CSNK1G3: variants seen among roughly 807,000 people sequenced by gnomAD.
The protein encoded by CSNK1G3 is casein kinase 1 gamma 3.
In CSNK1G3, 23 loss-of-function variants were observed where a neutral mutation model predicts 64.3. The ratio of observed to expected loss-of-function variants is 0.36; its 90% confidence interval spans 0.26 to 0.51. The LOEUF is 0.51. Among genes scored for constraint, CSNK1G3 ranks in the 20% least tolerant of loss-of-function variants. The pLI, the probability that CSNK1G3 is intolerant of heterozygous loss-of-function variation, is 0.96. For synonymous variants in CSNK1G3, 158 were observed against 162.2 expected (o/e 0.97, Z 0.20); for missense variants, 357 against 510.5 (o/e 0.70, Z 2.90).
At chr5:123,598,470 A>G (rs1793845049) in intron 10 of CSNK1G3, among the ~76,000 whole-genome samples, 1 of 152,204 alleles carries the variant, frequency 6.6e-6, no homozygotes, top group Non-Finnish European at 1.5e-5. Context: ...AAAAGCACCT[A>G]ACCTGGATGA....
chr5:123,529,817 T>G (rs1455226060), intron 1 of CSNK1G3, among the ~76,000 whole-genome samples: 1 of 152,134 alleles, frequency 6.6e-6, no homozygotes, highest in Non-Finnish European at 1.5e-5. Flanking sequence ...TTAGGTACAG[T>G]AAATGCTTAG....
chr5:123,541,979 A>T (rs1480296741), intron 1 of CSNK1G3, among the ~76,000 whole-genome samples: 2 of 151,530 alleles, frequency 1.3e-5, no homozygotes, highest in Non-Finnish European at 2.9e-5. Flanking sequence ...ATTGTAACTA[A>T]TTTTTTATTG....
chr5:123,603,229 A>C (rs1286068148), intron 10 of CSNK1G3, among the ~76,000 whole-genome samples: 2 of 152,112 alleles, frequency 1.3e-5, no homozygotes, highest in Admixed American at 6.6e-5. Context: ...AGGAATAAAC[A>C]CATGGAAAAT....
chr5:123,582,332 C>T (rs1790454517), intron 6 of CSNK1G3, among the ~76,000 whole-genome samples: 2 of 152,088 alleles, frequency 1.3e-5, no homozygotes, highest in Admixed American at 6.5e-5. Flanking sequence ...GGGCTGAAAT[C>T]TTGCCCTCCA....
chr5:123,566,435 G>A (rs1786889192), intron 4 of CSNK1G3, among the ~76,000 whole-genome samples: 1 of 152,198 alleles, frequency 6.6e-6, no homozygotes, highest in East Asian at 1.9e-4. Context: ...AGAACCACTG[G>A]AATGGGTGGA....
At chr5:123,514,062 AT>A (rs1776711544) in intron 1 of CSNK1G3, among the ~76,000 whole-genome samples, 1 of 152,242 alleles carries the variant, frequency 6.6e-6, no homozygotes, top group Non-Finnish European at 1.5e-5. Context: ...TATCAAATAC[AT>A]TGTGTGGCTT....
At chr5:123,583,526 A>G (rs1374703143) in intron 6 of CSNK1G3, among the ~76,000 whole-genome samples, 1 of 151,922 alleles carries the variant, frequency 6.6e-6, no homozygotes, top group Non-Finnish European at 1.5e-5. Context: ...ATGCCCAGCT[A>G]ATTTTTTTTG....
chr5:123,572,564 G>A lies in CSNK1G3; in HGVS notation c.290-829G>A, dbSNP rs969493292. On this transcript the variant is annotated intron_variant, in intron 4 of 12. Transcript: ENST00000345990. ...ATGTGGAAATTAAGGTGTAAGCCTG[G>A]ACTGCAATCTTACATGAGCCTCAGT... Among the ~76,000 whole-genome samples, 8 of 152,264 alleles carry A rather than the reference G, an allele frequency of 5.3e-5. No individual in the cohort carries two copies. The East Asian group carries it at 1.5e-3, about 29-fold the overall frequency.
At chr5:123,514,213 T>G (rs961008988) in intron 1 of CSNK1G3, among the ~76,000 whole-genome samples, 3 of 152,212 alleles carry the variant, frequency 2.0e-5, no homozygotes, top group African/African-American at 4.8e-5. Flanking sequence ...GACATTTTTT[T>G]GGGGATCTTG....
At chr5:123,570,934 T>C (rs1414470989) in intron 4 of CSNK1G3, among the ~76,000 whole-genome samples, 2 of 152,206 alleles carry the variant, frequency 1.3e-5, no homozygotes, top group African/African-American at 4.8e-5. Flanking sequence ...CTTAATTGCA[T>C]CTCCAGCTTC....
intron 3 of CSNK1G3, among the ~76,000 whole-genome samples, chr5:123,553,649 A>G (rs1784097870): frequency 6.6e-6 from 1 of 152,248 alleles, no homozygotes; most frequent in South Asian, 2.1e-4. Context: ...TAGGTGATAG[A>G]TAACAGGGAA....
At chr5:123,603,002 C>G (rs1302142818) in intron 10 of CSNK1G3, among the ~76,000 whole-genome samples, 1 of 152,070 alleles carries the variant, frequency 6.6e-6, no homozygotes. Context: ...AGGTATCTTT[C>G]CCAGAGTCTC....
chr5:123,539,928 T>G (rs7737667), intron 1 of CSNK1G3, among the ~76,000 whole-genome samples: 37,003 of 152,102 alleles, frequency 0.24, 4,773 homozygotes, highest in Middle Eastern at 0.29. Flanking sequence ...GGCCTAAAGT[T>G]ACTCATAGTC....
chr5:123,608,147 G>A (rs934885685), intron 12 of CSNK1G3, among the ~76,000 whole-genome samples: 3 of 151,998 alleles, frequency 2.0e-5, no homozygotes, highest in Non-Finnish European at 4.4e-5. Context: ...CATTTGACAC[G>A]TAACTAGGGA....
chr5:123,612,396 A>G (rs2151263901), intron 12 of CSNK1G3, among the ~76,000 whole-genome samples: 1 of 150,310 alleles, frequency 6.7e-6, no homozygotes, highest in Middle Eastern at 3.5e-3. Context: ...TTCTGTTTAC[A>G]TTTATTTCAC....
intron 12 of CSNK1G3, 50 bp from the exon 14 acceptor site, chr5:123,614,290 TTG>T: frequency 6.4e-7 from 1 of 1,558,546 alleles, no homozygotes; most frequent in African/African-American, 1.4e-5. Context: ...ACAGTCAACT[TTG>T]TGATATTTTA....
chr5:123,579,935 A>C (rs1489294265), intron 6 of CSNK1G3, among the ~76,000 whole-genome samples: 5 of 151,996 alleles, frequency 3.3e-5, no homozygotes, highest in African/African-American at 1.2e-4. Flanking sequence ...ATGAATTCCT[A>C]TTTAAAAAGT....
intron 1 of CSNK1G3, among the ~76,000 whole-genome samples, chr5:123,535,128 AT>A (rs1204095783): frequency 6.6e-6 from 1 of 152,106 alleles, no homozygotes; most frequent in Non-Finnish European, 1.5e-5. Flanking sequence ...CACTGCTATG[AT>A]TCTCTGAGCA....
At chr5:123,589,949 A>G (rs185112099) in intron 8 of CSNK1G3, among the ~76,000 whole-genome samples, 35 of 152,220 alleles carry the variant, frequency 2.3e-4, no homozygotes, top group African/African-American at 7.9e-4. Context: ...TCTATTAGTT[A>G]GTTGGTTTAT....
Sources: gnomAD v4.1 joint callset for allele counts (sites outside exome capture counted in the v4.1 genomes callset) on GRCh38, gnomAD v4.1.1 for gene constraint, MANE v1.5 for transcripts, NCBI Gene and HGNC (gene_info 2026-07-23, HGNC 2026-07-21) for gene names.